DPYSL2: variants seen among roughly 807,000 people sequenced by gnomAD.
The protein encoded by DPYSL2 is dihydropyrimidinase-related protein 2.
Under a neutral mutation model 69.9 loss-of-function variants are expected in DPYSL2, and 13 were observed. The observed-to-expected ratio is 0.19, with a 90% CI of 0.12 to 0.30. The LOEUF is 0.30. DPYSL2 is among the 10% of genes least tolerant of loss of function. The pLI is 1.00. For synonymous variants in DPYSL2, 326 were observed against 359.1 expected (o/e 0.91, Z 1.04); for missense variants, 587 against 918.9 (o/e 0.64, Z 4.67).
At chr8:26,623,066 G>A (rs1802534225) in intron 3 of DPYSL2, among the ~76,000 whole-genome samples, 1 of 152,214 alleles carries the variant, frequency 6.6e-6, no homozygotes, top group Admixed American at 6.5e-5. Context: ...GGTAGTAATA[G>A]TCCTGGTAAT....
At position 26,571,344 on chromosome 8, in the gene DPYSL2, T is replaced by A. The variant is rs144859126; in HGVS notation, c.355-10625T>A. On this transcript the variant is annotated intron_variant, in intron 1 of 13. Coordinates refer to ENST00000521913, the MANE Select transcript of DPYSL2 (RefSeq NM_001197293.3). The surrounding 1 kb of genome is among the most constrained non-coding windows in gnomAD (Gnocchi z 6.1). ...ACTTGGGCACACCAACGGAAACAAG[T>A]GATCTCCAAGGCCCTGCCCTGGCTT... Among the ~76,000 whole-genome samples, 70 of 152,230 alleles carry A rather than the reference T, an allele frequency of 4.6e-4. No homozygotes were observed. Among genetic ancestry groups the A allele is most frequent in the Middle Eastern group, 3.4e-3 (1 of 294 alleles).
At position 26,614,657 on chromosome 8, in the gene DPYSL2, G is replaced by T. The variant is rs1291205409; in HGVS notation, c.629-9486G>T. On this transcript the variant is annotated intron_variant, in intron 3 of 13. Transcript: ENST00000521913. This position sits in a 1 kb window ranked among gnomAD's most constrained non-coding sequence, Gnocchi z 4.9. Reference sequence around the variant, plus strand: ...AGTTAGTCATAATCATTCTAGCAGGGCTTCTAGATGCTGAACAATGACCGA... The same window carrying T: ...AGTTAGTCATAATCATTCTAGCAGGTCTTCTAGATGCTGAACAATGACCGA... Among the ~76,000 whole-genome samples, 5 of 152,118 alleles carry T rather than the reference G, an allele frequency of 3.3e-5. No homozygotes were observed. The highest frequency in any genetic ancestry group is 1.2e-4 in the African/African-American group (5 of 41,420).
At chr8:26,625,111 T>G (rs1346248557) in intron 4 of DPYSL2, among the ~76,000 whole-genome samples, 3 of 152,204 alleles carry the variant, frequency 2.0e-5, no homozygotes, top group Non-Finnish European at 4.4e-5. Context: ...ACTAGAATGA[T>G]AGAAAATGCC....
At position 26,564,127 on chromosome 8, in the gene DPYSL2, C is replaced by T. The variant is rs534515165; in HGVS notation, c.355-17842C>T. Among the ~76,000 whole-genome samples the T allele has an allele frequency of 3.3e-5, 5 of 152,290 alleles. No individual in the cohort carries two copies. The South Asian group carries it at 1.0e-3, about 32-fold the overall frequency. ...AGGTAGAGGCAATAATGTTAAGTAT[C>T]ACAATGAGCTCAGTTAAAATAAAGA... On this transcript the variant is annotated intron_variant, in intron 1 of 13. Transcript: ENST00000521913. The surrounding 1 kb of genome is among the most constrained non-coding windows in gnomAD (Gnocchi z 4.8).
At chr8:26,572,541 C>T (rs1801255048) in intron 1 of DPYSL2, among the ~76,000 whole-genome samples, 1 of 152,086 alleles carries the variant, frequency 6.6e-6, no homozygotes, top group African/African-American at 2.4e-5. Flanking sequence ...GCCCTTTCAC[C>T]CAAGCTGGAG....
At chr8:26,632,565 G>A (rs181486877) in intron 7 of DPYSL2, among the ~76,000 whole-genome samples, 22 of 152,268 alleles carry the variant, frequency 1.4e-4, no homozygotes, top group South Asian at 6.2e-4. Context: ...GAAGATAGGC[G>A]TAGTGGCTTG....
intron 4 of DPYSL2, among the ~76,000 whole-genome samples, chr8:26,625,940 C>CT (rs535021643): frequency 6.2e-4 from 95 of 152,302 alleles, no homozygotes; most frequent in African/African-American, 2.2e-3. Flanking sequence ...CCACAGGTCT[C>CT]TTTATCTTGC....
intron 1 of DPYSL2, among the ~76,000 whole-genome samples, chr8:26,576,893 G>T (rs1311457266): frequency 6.6e-6 from 1 of 152,206 alleles, no homozygotes; most frequent in African/African-American, 2.4e-5. Flanking sequence ...CCCCGACAGC[G>T]CTGCAGGCAC....
At position 26,650,595 on chromosome 8, in the gene DPYSL2, G is replaced by C. The variant is rs949559602; in HGVS notation, c.1597-1662G>C. Reference sequence around the variant, plus strand: ...ATTTTACCGTATCTGAGATGCCATCGATTTTAAGATATTCCATTAGGTTAT... The same window carrying C: ...ATTTTACCGTATCTGAGATGCCATCCATTTTAAGATATTCCATTAGGTTAT... On this transcript the variant is annotated intron_variant, in intron 11 of 13. Coordinates refer to ENST00000521913, the MANE Select transcript of DPYSL2 (RefSeq NM_001197293.3). The surrounding 1 kb of genome is among the most constrained non-coding windows in gnomAD (Gnocchi z 5.3). Among the ~76,000 whole-genome samples, 2 of 152,190 alleles carry C rather than the reference G, an allele frequency of 1.3e-5. No homozygotes were observed. The highest frequency in any genetic ancestry group is 2.9e-5 in the Non-Finnish European group (2 of 68,052).
At chr8:26,600,819 G>T (rs1801974811) in intron 3 of DPYSL2, among the ~76,000 whole-genome samples, 1 of 152,170 alleles carries the variant, frequency 6.6e-6, no homozygotes, top group Non-Finnish European at 1.5e-5. Context: ...GCCTGGCACC[G>T]CTCCTCGAGA....
chr8:26,558,773 TAA>T (rs758532243), intron 1 of DPYSL2, among the ~76,000 whole-genome samples: 3 of 152,150 alleles, frequency 2.0e-5, no homozygotes, highest in Non-Finnish European at 2.9e-5. Flanking sequence ...CTCTAAAAAA[TAA>T]AGTCTATTAA....
At chr8:26,646,483 T>C (rs577257368) in intron 10 of DPYSL2, among the ~76,000 whole-genome samples, 1 of 152,368 alleles carries the variant, frequency 6.6e-6, no homozygotes, top group Admixed American at 6.5e-5. Flanking sequence ...CTTATTGTTT[T>C]ACATTTAATT....
At chr8:26,623,082 T>C (rs949278633) in intron 3 of DPYSL2, among the ~76,000 whole-genome samples, 4 of 152,218 alleles carry the variant, frequency 2.6e-5, no homozygotes, top group Non-Finnish European at 4.4e-5. Flanking sequence ...GTAATCCTCC[T>C]GCCATCATGT....
Position 26,647,920 on chromosome 8 carries a change from A to G in DPYSL2, c.1596+120A>G, listed in dbSNP as rs1264563397. 6.5e-6 allele frequency: 8 copies of G among 1,228,668 alleles called. No individual in the cohort carries two copies. Among genetic ancestry groups the G allele is most frequent in the Non-Finnish European group, 8.9e-6 (8 of 895,926 alleles). The allele number at this position is 1,228,668 out of a possible 1,614,324, so 76.1% of individuals were successfully genotyped here. On this transcript the variant is annotated intron_variant, in intron 11 of 13. Coordinates refer to ENST00000521913, the MANE Select transcript of DPYSL2 (RefSeq NM_001197293.3). The surrounding 1 kb of genome is among the most constrained non-coding windows in gnomAD (Gnocchi z 5.1). ...GCTGTGATGGGAATGCGCTCGACTG[A>G]GGATGTTATGATTTGCAATTTGCTG...
In DPYSL2 at chr8:26,653,508, CT is replaced by C. The variant is rs1435227950; in HGVS notation, c.1942+114del. The C allele has an allele frequency of 2.6e-6, 3 of 1,155,646 alleles. No individual in the cohort carries two copies. Among genetic ancestry groups the C allele is most frequent in the African/African-American group, 3.1e-5 (2 of 64,626 alleles). The allele number at this position is 1,155,646 out of a possible 1,614,324, so 71.6% of individuals were successfully genotyped here. On this transcript the variant is annotated intron_variant, in intron 13 of 13. Transcript: ENST00000521913. The surrounding 1 kb of genome is among the most constrained non-coding windows in gnomAD (Gnocchi z 5.7). ...CAGAAATAGAAGTGAATGATATTCC[CT>C]TTCTCTCCAACGTGAGAAATACAGT...
Position 26,650,017 on chromosome 8 carries a change from T to C in DPYSL2, c.1596+2217T>C, listed in dbSNP as rs1803250280. ...AACAAGACTCAACGCATGCATTGTG[T>C]GAGATCTTGGATGCTGCAGGGCTGG... On this transcript the variant is annotated intron_variant, in intron 11 of 13. Coordinates refer to ENST00000521913, the MANE Select transcript of DPYSL2 (RefSeq NM_001197293.3). The surrounding 1 kb of genome is among the most constrained non-coding windows in gnomAD (Gnocchi z 5.3). 6.6e-6 allele frequency among the ~76,000 whole-genome samples: 1 copy of C among 152,188 alleles called. No homozygotes were observed. The highest frequency in any genetic ancestry group is 2.4e-5 in the African/African-American group (1 of 41,446).
chr8:26,535,763 G>A (rs1043683378), intron 1 of DPYSL2, among the ~76,000 whole-genome samples: 4 of 151,994 alleles, frequency 2.6e-5, no homozygotes, highest in African/African-American at 4.8e-5. Context: ...TGAAATGAAC[G>A]TGCCAGGACA....
chr8:26,622,506 AT>A (rs57951590), intron 3 of DPYSL2, among the ~76,000 whole-genome samples: 58,649 of 124,680 alleles, frequency 0.47, 13,230 homozygotes, highest in East Asian at 0.52. Flanking sequence ...GTATATATAT[AT>A]TTTTTTTTTT....
rs1369060032 is a variant in DPYSL2 at position 26,560,328 on chromosome 8, A to G, written c.355-21641A>G. Among the ~76,000 whole-genome samples the G allele has an allele frequency of 6.6e-6, 1 of 152,250 alleles. No individual in the cohort carries two copies. The highest frequency in any genetic ancestry group is 2.4e-5 in the African/African-American group (1 of 41,470). On this transcript the variant is annotated intron_variant, in intron 1 of 13. Transcript: ENST00000521913. The surrounding 1 kb of genome is among the most constrained non-coding windows in gnomAD (Gnocchi z 4.4). ...GACAAGCCTTAGAATACTTTTAGAC[A>G]GAGCCCAATCAAAGGATTTATTTTC...
Sources: allele counts gnomAD v4.1 joint callset (sites outside exome capture counted in the v4.1 genomes callset), GRCh38; gene constraint gnomAD v4.1.1; non-coding constraint Gnocchi (gnomAD v3.1); transcripts MANE v1.5; gene names NCBI Gene and HGNC (gene_info 2026-07-23, HGNC 2026-07-21).